Variants in CORO2B observed in about 807,000 individuals in gnomAD.
The protein encoded by CORO2B is coronin 2B.
In CORO2B, 26 loss-of-function variants were observed where a neutral mutation model predicts 58.8. The observed-to-expected ratio is 0.44, with a 90% CI of 0.32 to 0.61. The LOEUF (loss-of-function observed/expected upper bound fraction) is 0.61, where lower values mean the gene tolerates loss of function less well. Among genes scored for constraint, CORO2B ranks in the 20% least tolerant of loss-of-function variants. The probability of loss-of-function intolerance (pLI) is 0.04; values close to 1 mark genes in which losing one functional copy is unlikely to be tolerated. For missense variants in CORO2B, 460 were observed against 645.1 expected, an observed-to-expected ratio of 0.71 and a Z score of 3.11; for synonymous variants, 242 against 253.8, an observed-to-expected ratio of 0.95 and a Z score of 0.44.
the CORO2B span, among the ~76,000 whole-genome samples, chr15:68,550,225 G>A: frequency 1.3e-5 from 2 of 152,114 alleles, no homozygotes; most frequent in African/African-American, 4.8e-5. Context: ...TGAAAATACA[G>A]AGTGGGTCAG....
intron 1 of CORO2B, among the ~76,000 whole-genome samples, chr15:68,640,332 A>G (rs1310196783): frequency 1.3e-5 from 2 of 152,174 alleles, no homozygotes; most frequent in Non-Finnish European, 2.9e-5. Context: ...AAGCCAAGTA[A>G]CTGATAATGG....
chr15:68,645,414 T>C lies in CORO2B; in HGVS notation c.216+54T>C. 6.4e-7 allele frequency: 1 copy of C among 1,558,626 alleles called. No homozygotes were observed. On this transcript the variant is annotated intron_variant, in intron 2 of 11. Coordinates refer to ENST00000261861, the MANE Select transcript of CORO2B (RefSeq NM_006091.5). The surrounding 1 kb of genome is among the most constrained non-coding windows in gnomAD (Gnocchi z 4.5). ...GCAGCTCCAGGGCAGAGAGGAGCCC[T>C]CCTTGGTCTCTCTTAGGCCTGTTGA... is the stretch of plus-strand genomic sequence containing the variant.
intron 2 of CORO2B, among the ~76,000 whole-genome samples, chr15:68,650,846 C>T (rs533482577): frequency 6.6e-6 from 1 of 152,220 alleles, no homozygotes; most frequent in Admixed American, 6.5e-5. Flanking sequence ...GCCCTACAGG[C>T]CAGAGAGGGG....
At chr15:68,668,608 G>A (rs1245487942) in intron 2 of CORO2B, among the ~76,000 whole-genome samples, 2 of 152,178 alleles carry the variant, frequency 1.3e-5, no homozygotes, top group African/African-American at 4.8e-5. Context: ...CCCAGGGCGG[G>A]GAGCCCCAGG....
intron 1 of CORO2B, chr15:68,631,883 C>T: frequency 3.2e-6 from 3 of 941,004 alleles, no homozygotes; most frequent in Non-Finnish European, 3.8e-6. Context: ...GTGCTCCTCG[C>T]AGTCAGTGTA....
intron 1 of CORO2B, among the ~76,000 whole-genome samples, chr15:68,610,908 G>T (rs1206690773): frequency 6.6e-6 from 1 of 152,196 alleles, no homozygotes; most frequent in Non-Finnish European, 1.5e-5. Flanking sequence ...CTGATGGCAG[G>T]TAGCACCTTC....
chr15:68,626,136 C>A (rs985707614), intron 1 of CORO2B, among the ~76,000 whole-genome samples: 1 of 152,210 alleles, frequency 6.6e-6, no homozygotes, highest in African/African-American at 2.4e-5. Flanking sequence ...AAGACTCACT[C>A]TTCAGCAATT....
rs1023909904 is a variant in CORO2B at position 68,607,616 on chromosome 15, G to A, written c.15+28339G>A. ...CAGGATCTCTTGAAGCCAGGAGTTTGAGACCAGCCTGGGTGACATAGCGAG... is the reference window on the plus strand; with the variant it reads ...CAGGATCTCTTGAAGCCAGGAGTTTAAGACCAGCCTGGGTGACATAGCGAG... On this transcript the variant is annotated intron_variant, in intron 1 of 11. Transcript: ENST00000261861. Among the ~76,000 whole-genome samples the A allele has an allele frequency of 7.2e-5, 11 of 152,204 alleles. No homozygotes were observed. In the East Asian group the frequency reaches 1.9e-3, roughly 27 times the overall value.
the CORO2B span, among the ~76,000 whole-genome samples, chr15:68,519,770 C>T: frequency 6.6e-5 from 10 of 152,302 alleles, no homozygotes; most frequent in African/African-American, 2.2e-4. Context: ...ACATAAGTGG[C>T]TTTCAGCGTT....
intron 2 of CORO2B, among the ~76,000 whole-genome samples, chr15:68,675,915 A>G (rs1160841201): frequency 6.6e-6 from 1 of 152,188 alleles, no homozygotes; most frequent in African/African-American, 2.4e-5. Context: ...AGCGGAGGAG[A>G]CAGATAATAA....
intron 1 of CORO2B, among the ~76,000 whole-genome samples, chr15:68,633,510 A>AACACACACACACACAC (rs1322123149): frequency 1.9e-5 from 1 of 51,756 alleles, no homozygotes; most frequent in African/African-American, 8.5e-5. Context: ...TGGTTACTCC[A>AACACACACACACACAC]ACATACACAC....
intron 1 of CORO2B, chr15:68,631,970 C>T: frequency 3.0e-6 from 3 of 985,474 alleles, no homozygotes; most frequent in Non-Finnish European, 3.6e-6. Flanking sequence ...GGAGTGGGCT[C>T]TCTCTTGGTT....
the CORO2B span, among the ~76,000 whole-genome samples, chr15:68,525,041 C>T: frequency 6.6e-6 from 1 of 152,156 alleles, no homozygotes; most frequent in Admixed American, 6.5e-5. Context: ...AGTATTTATT[C>T]CTCTCTGTCT....
chr15:68,652,792 C>T (rs1227390619), intron 2 of CORO2B, among the ~76,000 whole-genome samples: 1 of 152,196 alleles, frequency 6.6e-6, no homozygotes, highest in African/African-American at 2.4e-5. Flanking sequence ...TCAAGTAACT[C>T]CTTTAAGACT....
intron 11 of CORO2B, among the ~76,000 whole-genome samples, 187 bp downstream of exon 11, chr15:68,719,739 G>A (rs1893117688): frequency 6.6e-6 from 1 of 152,192 alleles, no homozygotes; most frequent in Non-Finnish European, 1.5e-5. Flanking sequence ...TGGGATGTCT[G>A]GAGATATCGG....
the CORO2B span, among the ~76,000 whole-genome samples, chr15:68,534,294 A>AC: frequency 9.8e-4 from 149 of 152,326 alleles, no homozygotes; most frequent in African/African-American, 3.5e-3. Flanking sequence ...ACCTGCACAT[A>AC]TGTGTGCACA....
chr15:68,706,812 C>T (rs952555728), intron 3 of CORO2B, among the ~76,000 whole-genome samples: 7 of 152,076 alleles, frequency 4.6e-5, no homozygotes, highest in South Asian at 4.1e-4. Context: ...TGGGCTCAAG[C>T]GATCTTCCCC....
At chr15:68,699,574 AAGCTCTCGCTCC>A (rs1489400509) in intron 3 of CORO2B, among the ~76,000 whole-genome samples, 6 of 152,076 alleles carry the variant, frequency 3.9e-5, no homozygotes, top group Non-Finnish European at 8.8e-5. Context: ...GAGAGGAACT[AAGCTCTCGCTCC>A]AGCTGCCAGG....
chr15:68,628,026 C>T (rs1212525438), intron 1 of CORO2B, among the ~76,000 whole-genome samples: 1 of 152,136 alleles, frequency 6.6e-6, no homozygotes, highest in Non-Finnish European at 1.5e-5. Context: ...TCCAACCCCA[C>T]CACCACCCAA....
Sources: gnomAD v4.1 joint callset for allele counts (sites outside exome capture counted in the v4.1 genomes callset) on GRCh38, gnomAD v4.1.1 for gene constraint, Gnocchi (gnomAD v3.1) non-coding constraint, MANE v1.5 for transcripts, NCBI Gene and HGNC (gene_info 2026-07-23, HGNC 2026-07-21) for gene names.